SYNPR: variants seen among roughly 807,000 people sequenced by gnomAD.
SYNPR encodes synaptoporin.
SYNPR carries 23 observed loss-of-function variants against 32.9 expected under a neutral mutation model. That is an observed-to-expected ratio of 0.70 (90% CI 0.50 to 0.99). The LOEUF is 0.99. Among genes scored for constraint, SYNPR ranks in the 50% least tolerant of loss-of-function variants. The pLI, the probability that SYNPR is intolerant of heterozygous loss-of-function variation, is 0.00. For synonymous variants in SYNPR, 146 were observed against 135.9 expected (o/e 1.07, Z -0.52); for missense variants, 318 against 349.3 (o/e 0.91, Z 0.71).
intron 3 of SYNPR, among the ~76,000 whole-genome samples, chr3:63,520,672 C>A (rs1454644800): frequency 1.8e-4 from 26 of 142,578 alleles, no homozygotes; most frequent in African/African-American, 2.6e-4. Flanking sequence ...GACTCCATCT[C>A]AAAAAAAAAA....
At chr3:63,607,699 T>C (rs1575735137) in intron 4 of SYNPR, among the ~76,000 whole-genome samples, 1 of 152,204 alleles carries the variant, frequency 6.6e-6, no homozygotes, top group African/African-American at 2.4e-5. Flanking sequence ...GTTACGTAAT[T>C]CACAACAGCC....
At chr3:63,444,194 G>T (rs532304933) in intron 2 of SYNPR, 9 of 152,222 alleles carry the variant, frequency 5.9e-5, no homozygotes, top group African/African-American at 1.9e-4. Flanking sequence ...CAGGAGAAAA[G>T]TTGCTGTTAT....
intron 2 of SYNPR, among the ~76,000 whole-genome samples, chr3:63,392,222 T>C (rs2088146699): frequency 6.6e-6 from 1 of 152,194 alleles, no homozygotes; most frequent in South Asian, 2.1e-4. Context: ...AAGTGGAATA[T>C]TAGGTTGCCT....
At chr3:63,432,912 G>A (rs1700019227) in intron 2 of SYNPR, among the ~76,000 whole-genome samples, 1 of 152,172 alleles carries the variant, frequency 6.6e-6, no homozygotes, top group Non-Finnish European at 1.5e-5. Context: ...AAGGGAGCTG[G>A]GGGAGTTGGT....
chr3:63,574,257 G>C (rs551839268), intron 4 of SYNPR, among the ~76,000 whole-genome samples: 5 of 152,218 alleles, frequency 3.3e-5, no homozygotes, highest in African/African-American at 1.2e-4. Flanking sequence ...TTTGCCTGTG[G>C]CCTCACATTT....
intron 3 of SYNPR, among the ~76,000 whole-genome samples, chr3:63,490,189 C>G (rs1040205509): frequency 6.6e-6 from 1 of 151,938 alleles, no homozygotes; most frequent in African/African-American, 2.4e-5. Flanking sequence ...GAGCAAAGGA[C>G]AAGAGCAGAG....
intron 2 of SYNPR, among the ~76,000 whole-genome samples, chr3:63,373,382 C>T (rs780169069): frequency 2.0e-5 from 3 of 151,976 alleles, no homozygotes; most frequent in Non-Finnish European, 4.4e-5. Flanking sequence ...TAAGAAAGAA[C>T]CAAACTGATC....
chr3:63,305,250 G>A (rs1049477838), intron 2 of SYNPR, among the ~76,000 whole-genome samples: 46 of 152,124 alleles, frequency 3.0e-4, no homozygotes, highest in African/African-American at 1.1e-3. Context: ...GGTGACTGTA[G>A]CCCAAGCTGA....
At chr3:63,320,928 T>A (rs908474978) in intron 2 of SYNPR, among the ~76,000 whole-genome samples, 1 of 152,092 alleles carries the variant, frequency 6.6e-6, no homozygotes, top group Non-Finnish European at 1.5e-5. Flanking sequence ...ACTTGTTCTC[T>A]TTCCTCTGCC....
intron 4 of SYNPR, among the ~76,000 whole-genome samples, chr3:63,597,438 C>T (rs565375036): frequency 4.6e-5 from 7 of 152,002 alleles, no homozygotes; most frequent in South Asian, 2.1e-4. Context: ...TTTTCTTTGA[C>T]GAAAAAACAT....
intron 4 of SYNPR, among the ~76,000 whole-genome samples, chr3:63,576,904 A>C (rs1702992268): frequency 6.6e-6 from 1 of 152,164 alleles, no homozygotes; most frequent in South Asian, 2.1e-4. Flanking sequence ...GGACCTCAGA[A>C]ACCTGTGATC....
chr3:63,437,981 C>G (rs1700114311), intron 2 of SYNPR, among the ~76,000 whole-genome samples: 1 of 152,182 alleles, frequency 6.6e-6, no homozygotes, highest in Non-Finnish European at 1.5e-5. Context: ...AGCTCTCCAG[C>G]ACAATGTCTG....
intron 3 of SYNPR, among the ~76,000 whole-genome samples, chr3:63,504,574 C>A (rs1026819068): frequency 3.3e-5 from 5 of 152,072 alleles, no homozygotes; most frequent in African/African-American, 7.2e-5. Flanking sequence ...CCCACCAAAC[C>A]TCCGTATATT....
At chr3:63,289,999 G>A (rs1268460595) in intron 2 of SYNPR, among the ~76,000 whole-genome samples, 2 of 151,682 alleles carry the variant, frequency 1.3e-5, no homozygotes, top group African/African-American at 2.4e-5. Context: ...GCGTGGTGGC[G>A]GGTGTCTGTA....
chr3:63,528,128 T>G (rs544845263), intron 3 of SYNPR, among the ~76,000 whole-genome samples: 1 of 152,284 alleles, frequency 6.6e-6, no homozygotes, highest in African/African-American at 2.4e-5. Context: ...TTTCTTTCTT[T>G]CTCTGAATCA....
At chr3:63,526,001 G>C (rs1702004563) in intron 3 of SYNPR, among the ~76,000 whole-genome samples, 1 of 152,166 alleles carries the variant, frequency 6.6e-6, no homozygotes, top group Admixed American at 6.5e-5. Flanking sequence ...AAGGCAAAGG[G>C]AGCCAGTGTG....
intron 2 of SYNPR, among the ~76,000 whole-genome samples, chr3:63,267,027 C>T (rs2086496428): frequency 6.6e-6 from 1 of 152,020 alleles, no homozygotes; most frequent in South Asian, 2.1e-4. Flanking sequence ...TAATGTGGCC[C>T]TGGGATTTTC....
intron 2 of SYNPR, among the ~76,000 whole-genome samples, chr3:63,389,106 A>G (rs2088096371): frequency 6.6e-6 from 1 of 152,200 alleles, no homozygotes; most frequent in African/African-American, 2.4e-5. Flanking sequence ...GGAATAAAAG[A>G]ATGTGCTTTA....
chr3:63,584,124 A>T (rs901291410), intron 4 of SYNPR, among the ~76,000 whole-genome samples: 6 of 151,976 alleles, frequency 3.9e-5, no homozygotes, highest in African/African-American at 1.4e-4. Flanking sequence ...TAGCAATGAG[A>T]TCAGTTAGTT....
Sources: gnomAD v4.1 joint callset for allele counts (sites outside exome capture counted in the v4.1 genomes callset) on GRCh38, gnomAD v4.1.1 for gene constraint, MANE v1.5 for transcripts, NCBI Gene and HGNC (gene_info 2026-07-23, HGNC 2026-07-21) for gene names.